DGKB: variants seen among roughly 807,000 people sequenced by gnomAD.
DGKB encodes the protein 90 kDa diacylglycerol kinase.
Under a neutral mutation model 114.3 loss-of-function variants are expected in DGKB, and 67 were observed. That is an observed-to-expected ratio of 0.59 (90% confidence interval 0.48 to 0.72). The LOEUF (loss-of-function observed/expected upper bound fraction) is 0.72, where lower values mean the gene tolerates loss of function less well. DGKB is among the 30% of genes least tolerant of loss of function. The pLI is 0.00. For missense variants in DGKB, 907 were observed against 975.2 expected, an observed-to-expected ratio of 0.93 and a Z score of 0.93; for synonymous variants, 398 against 323.1, an observed-to-expected ratio of 1.23 and a Z score of -2.49.
intron 1 of DGKB, among the ~76,000 whole-genome samples, chr7:14,866,201 CTT>C (rs1851687373): frequency 1.3e-5 from 2 of 152,156 alleles, no homozygotes; most frequent in Non-Finnish European, 2.9e-5. Flanking sequence ...AGCTTCCACT[CTT>C]TTTAAAATTC....
rs546889282 is a variant in DGKB, at chr7:14,194,141, G to T, written c.2123-15990C>A. On this transcript the variant is annotated intron_variant, in intron 23 of 25. Coordinates refer to ENST00000402815, the MANE Select transcript of DGKB (RefSeq NM_001350709.2). ...AACCATTATGGAAAACAGTATGGAG[G>T]TTCCCCAAAAATAGTCAAAATAGAA... 3.3e-5 allele frequency among the ~76,000 whole-genome samples: 5 copies of T among 152,172 alleles called. No homozygotes were observed. In the East Asian group the frequency reaches 7.7e-4, roughly 24 times the overall value.
chr7:14,286,898 T>G (rs1386180257), intron 23 of DGKB, among the ~76,000 whole-genome samples: 1 of 152,158 alleles, frequency 6.6e-6, no homozygotes, highest in Non-Finnish European at 1.5e-5. Context: ...ATATGACATT[T>G]TTTCACCTGC....
intron 2 of DGKB, among the ~76,000 whole-genome samples, chr7:14,791,068 C>T (rs920944510): frequency 3.3e-5 from 5 of 152,030 alleles, no homozygotes; most frequent in Non-Finnish European, 7.4e-5. Context: ...TATGCTAAAG[C>T]GATCCTCCTA....
chr7:14,793,167 T>C (rs1304376624), intron 2 of DGKB, among the ~76,000 whole-genome samples: 1 of 152,154 alleles, frequency 6.6e-6, no homozygotes, highest in East Asian at 1.9e-4. Flanking sequence ...TTAATAACAA[T>C]TCTACATAAA....
chr7:14,507,200 T>A (rs542031161), intron 20 of DGKB, among the ~76,000 whole-genome samples: 1 of 152,288 alleles, frequency 6.6e-6, no homozygotes, highest in South Asian at 2.1e-4. Flanking sequence ...TATATATTAT[T>A]ATAAACCTCA....
intron 21 of DGKB, among the ~76,000 whole-genome samples, chr7:14,358,629 C>A (rs1815071342): frequency 6.6e-6 from 1 of 152,068 alleles, no homozygotes; most frequent in Non-Finnish European, 1.5e-5. Flanking sequence ...AATCAATGCA[C>A]AAAAATCACA....
chr7:14,919,060 A>ACGCGCG (rs199806833), intron 1 of DGKB, among the ~76,000 whole-genome samples: 3 of 125,002 alleles, frequency 2.4e-5, no homozygotes, highest in African/African-American at 9.3e-5. Flanking sequence ...ACTCCACCAC[A>ACGCGCG]CGCACACACA....
chr7:14,592,892 T>C (rs1801936500), intron 17 of DGKB, among the ~76,000 whole-genome samples: 2 of 152,090 alleles, frequency 1.3e-5, no homozygotes, highest in East Asian at 3.9e-4. Flanking sequence ...CAATACATTA[T>C]AAAATTTAGT....
chr7:14,704,219 A>T (rs1424316342), intron 6 of DGKB, among the ~76,000 whole-genome samples: 1 of 150,444 alleles, frequency 6.6e-6, no homozygotes, highest in Non-Finnish European at 1.5e-5. Context: ...GTGGATCACG[A>T]GGTCAGGAGA....
intron 14 of DGKB, among the ~76,000 whole-genome samples, chr7:14,627,664 C>G (rs148201914): frequency 1.2e-3 from 175 of 151,814 alleles, no homozygotes; most frequent in Non-Finnish European, 9.3e-4. Flanking sequence ...AGACTTTGGG[C>G]TAGGCGCGGT....
chr7:14,358,151 T>G (rs1345822843), intron 21 of DGKB, among the ~76,000 whole-genome samples: 1 of 152,216 alleles, frequency 6.6e-6, no homozygotes, highest in East Asian at 1.9e-4. Context: ...CTTGCTAGTT[T>G]GGGGAACTTC....
intron 8 of DGKB, among the ~76,000 whole-genome samples, chr7:14,695,922 A>T (rs1823794136): frequency 6.6e-6 from 1 of 152,202 alleles, no homozygotes; most frequent in Non-Finnish European, 1.5e-5. Flanking sequence ...CCATGACAGC[A>T]GACATAATGT....
At chr7:14,468,701 T>G (rs972300148) in intron 21 of DGKB, among the ~76,000 whole-genome samples, 4 of 151,874 alleles carry the variant, frequency 2.6e-5, no homozygotes. Flanking sequence ...GAGTAGAAAT[T>G]TTTTCTAAAA....
intron 13 of DGKB, among the ~76,000 whole-genome samples, chr7:14,649,563 A>T (rs528426412): frequency 6.6e-6 from 1 of 151,936 alleles, no homozygotes; most frequent in Non-Finnish European, 1.5e-5. Flanking sequence ...AAAGACCATC[A>T]ACACTAGGAA....
intron 17 of DGKB, among the ~76,000 whole-genome samples, chr7:14,604,543 C>A (rs1804128176): frequency 6.6e-6 from 1 of 152,030 alleles, no homozygotes; most frequent in Non-Finnish European, 1.5e-5. Flanking sequence ...AGTATGCATT[C>A]AAAAACCTAT....
intron 20 of DGKB, among the ~76,000 whole-genome samples, chr7:14,551,537 A>C (rs1294125693): frequency 1.3e-5 from 2 of 152,130 alleles, no homozygotes; most frequent in African/African-American, 4.8e-5. Context: ...CTGCTACAAA[A>C]TCAATACTCT....
chr7:14,254,833 C>G (rs975891431), intron 23 of DGKB, among the ~76,000 whole-genome samples: 5 of 152,120 alleles, frequency 3.3e-5, no homozygotes, highest in Admixed American at 6.6e-5. Flanking sequence ...GATTTTTCCT[C>G]TTTACCCCAT....
chr7:14,701,445 A>T (rs1272395112), intron 7 of DGKB, among the ~76,000 whole-genome samples: 1 of 152,202 alleles, frequency 6.6e-6, no homozygotes, highest in Non-Finnish European at 1.5e-5. Flanking sequence ...GTGCAGGAAA[A>T]ATAAAATTAA....
At chr7:14,492,344 G>C (rs1413504141) in intron 20 of DGKB, among the ~76,000 whole-genome samples, 1 of 151,956 alleles carries the variant, frequency 6.6e-6, no homozygotes, top group Admixed American at 6.6e-5. Context: ...AGGGTGGGGG[G>C]TGATGGCTGG....
Sources: allele counts gnomAD v4.1 joint callset (sites outside exome capture counted in the v4.1 genomes callset), GRCh38; gene constraint gnomAD v4.1.1; transcripts MANE v1.5; gene names NCBI Gene and HGNC (gene_info 2026-07-23, HGNC 2026-07-21).